RANBP2: variants seen among roughly 807,000 people sequenced by gnomAD.
The protein encoded by RANBP2 is E3 SUMO-protein ligase RanBP2.
A neutral mutation model predicts 303.6 loss-of-function variants in RANBP2; 57 were observed. The ratio of observed to expected loss-of-function variants is 0.19; its 90% CI spans 0.15 to 0.23. The LOEUF is 0.23. RANBP2 is among the 10% of genes least tolerant of loss of function. The pLI is 1.00. For synonymous variants in RANBP2, 1,167 were observed against 1,301.5 expected, an observed-to-expected ratio of 0.90 and a Z score of 2.23; for missense variants, 3,138 against 3,780.8, an observed-to-expected ratio of 0.83 and a Z score of 4.46.
chr2:109,398,599 T>C, the RANBP2 span: 1 of 1,565,048 alleles, frequency 6.4e-7, no homozygotes. Flanking sequence ...GCTCAATGAC[T>C]CCGCCAAGCA....
chr2:108,797,811 G>A, the RANBP2 span, among the ~76,000 whole-genome samples: 1 of 152,172 alleles, frequency 6.6e-6, no homozygotes, highest in Non-Finnish European at 1.5e-5. Flanking sequence ...TTCCAAATTA[G>A]TAGAATGGAG....
chr2:109,327,936 A>G, the RANBP2 span, among the ~76,000 whole-genome samples: 2 of 152,194 alleles, frequency 1.3e-5, no homozygotes, highest in Admixed American at 6.5e-5. Flanking sequence ...ACAATCATGG[A>G]GGGTCTAGGA....
chr2:109,426,513 T>A, the RANBP2 span, among the ~76,000 whole-genome samples: 2 of 152,216 alleles, frequency 1.3e-5, no homozygotes, highest in Non-Finnish European at 2.9e-5. Context: ...ACTGAATTGC[T>A]GCAATCTTAT....
chr2:109,310,090 A>T, the RANBP2 span, among the ~76,000 whole-genome samples: 1 of 105,746 alleles, frequency 9.5e-6, no homozygotes, highest in African/African-American at 5.4e-5. Flanking sequence ...CATGGTTGGA[A>T]GTAAAGCTCT....
chr2:109,645,424 C>G, the RANBP2 span, among the ~76,000 whole-genome samples: 1 of 152,226 alleles, frequency 6.6e-6, no homozygotes, highest in Non-Finnish European at 1.5e-5. Flanking sequence ...AGATTTTGTT[C>G]TCTGTGTAAA....
chr2:108,814,756 C>T, the RANBP2 span, among the ~76,000 whole-genome samples: 1 of 151,066 alleles, frequency 6.6e-6, no homozygotes, highest in African/African-American at 2.4e-5. Context: ...GGGTTCAAGC[C>T]TCCCGAAGAG....
the RANBP2 span, among the ~76,000 whole-genome samples, chr2:109,373,739 G>C: frequency 1.3e-5 from 2 of 152,128 alleles, no homozygotes; most frequent in Non-Finnish European, 2.9e-5. Context: ...CTGTAAAATG[G>C]TGTCCAGTTA....
chr2:108,917,231 A>C, the RANBP2 span, among the ~76,000 whole-genome samples: 2 of 152,208 alleles, frequency 1.3e-5, no homozygotes, highest in East Asian at 3.9e-4. Flanking sequence ...CTCGTGTGGA[A>C]GCCAAAGGAG....
At chr2:108,991,772 G>C in the RANBP2 span, among the ~76,000 whole-genome samples, 1 of 152,184 alleles carries the variant, frequency 6.6e-6, no homozygotes, top group African/African-American at 2.4e-5. Flanking sequence ...GAGTGAAACA[G>C]AGCCATATTC....
At chr2:109,195,146 A>G in the RANBP2 span, among the ~76,000 whole-genome samples, 14 of 152,342 alleles carry the variant, frequency 9.2e-5, no homozygotes, top group Non-Finnish European at 1.5e-4. Flanking sequence ...CTAATAGGAA[A>G]AAAAGGACAA....
chr2:109,570,852 G>C, the RANBP2 span, among the ~76,000 whole-genome samples: 1 of 152,092 alleles, frequency 6.6e-6, no homozygotes, highest in African/African-American at 2.4e-5. Flanking sequence ...GTAATCTAGA[G>C]ATTATTTAAA....
the RANBP2 span, among the ~76,000 whole-genome samples, chr2:109,266,007 A>ATG: frequency 3.3e-5 from 5 of 151,978 alleles, no homozygotes; most frequent in African/African-American, 1.2e-4. Flanking sequence ...TGTCATGTGC[A>ATG]TGTGTGTGTA....
chr2:109,179,459 T>C, the RANBP2 span, among the ~76,000 whole-genome samples: 278 of 152,290 alleles, frequency 1.8e-3, no homozygotes, highest in African/African-American at 5.8e-3. Context: ...CCCAGTGTCC[T>C]TGTCTTTGTG....
chr2:109,473,153 C>G, the RANBP2 span, among the ~76,000 whole-genome samples: 1 of 152,232 alleles, frequency 6.6e-6, no homozygotes, highest in Non-Finnish European at 1.5e-5. Context: ...CAAGTTAACT[C>G]TTGCAAAGCT....
chr2:109,579,896 G>A, the RANBP2 span, among the ~76,000 whole-genome samples: 1 of 151,418 alleles, frequency 6.6e-6, no homozygotes, highest in Non-Finnish European at 1.5e-5. Context: ...TAAGGCGTGT[G>A]GATCACCTGA....
At chr2:109,080,211 G>A in the RANBP2 span, among the ~76,000 whole-genome samples, 2 of 152,244 alleles carry the variant, frequency 1.3e-5, no homozygotes, top group Non-Finnish European at 2.9e-5. Context: ...AAGAGGAGCT[G>A]ACAACCACTC....
At chr2:109,545,197 G>T in the RANBP2 span, 1 of 985,384 alleles carries the variant, frequency 1.0e-6, no homozygotes, top group Non-Finnish European at 1.2e-6. Flanking sequence ...AACTGAGGCA[G>T]AGTCCCCCAA....
At chr2:109,261,602 T>G in the RANBP2 span, among the ~76,000 whole-genome samples, 1 of 152,178 alleles carries the variant, frequency 6.6e-6, no homozygotes, top group African/African-American at 2.4e-5. Context: ...AGAAGTGGCA[T>G]GGGGCTGCAG....
the RANBP2 span, chr2:109,615,183 G>A: frequency 1.3e-6 from 2 of 1,548,722 alleles, no homozygotes; most frequent in Middle Eastern, 1.8e-4. Context: ...CAGCTCCTCC[G>A]GGGGAGGACG....
Sources: gnomAD v4.1 joint callset for allele counts (sites outside exome capture counted in the v4.1 genomes callset) on GRCh38, gnomAD v4.1.1 for gene constraint, MANE v1.5 for transcripts, NCBI Gene and HGNC (gene_info 2026-07-23, HGNC 2026-07-21) for gene names.